Variants in STYXL1 observed in about 807,000 individuals in gnomAD.
STYXL1 encodes the protein serine/threonine/tyrosine-interacting-like protein 1.
In STYXL1, 32 loss-of-function variants were observed where a neutral mutation model predicts 36.4. The ratio of observed to expected loss-of-function variants is 0.88; its 90% CI spans 0.66 to 1.18. The LOEUF is 1.18. Ranked by LOEUF, STYXL1 falls within the 50% of genes most tolerant of loss-of-function variation. The pLI is 0.00. For missense variants in STYXL1, 354 were observed against 394.1 expected (o/e 0.90, Z 0.86); for synonymous variants, 133 against 144.1 (o/e 0.92, Z 0.55).
chr7:76,001,024 T>G (rs1554567024), intron 7 of STYXL1, 22 bp from the exon 8 acceptor site: 5 of 1,592,474 alleles, frequency 3.1e-6, no homozygotes, highest in Non-Finnish European at 4.3e-6. Context: ...AGTGGGGGGT[T>G]GGGTCATGCC....
At chr7:76,018,996 T>A (rs1339849662) in intron 4 of STYXL1, among the ~76,000 whole-genome samples, 1 of 152,230 alleles carries the variant, frequency 6.6e-6, no homozygotes, top group Admixed American at 6.5e-5. Flanking sequence ...TTATCATCTG[T>A]CTCTTTGATT....
Position 76,005,421 on chromosome 7 carries a change from GA to G in STYXL1, c.454-18del. 2 of 1,587,926 alleles carry G rather than the reference GA, an allele frequency of 1.3e-6. No homozygotes were observed. The highest frequency in any genetic ancestry group is 1.1e-5 in the South Asian group (1 of 88,338). Reference sequence around the variant, plus strand: ...ATCCAGTTCCTGAAGTGTGGAGGGAGAAAGGCAGCTATGAGCATATTCCTCA... The same window carrying G: ...ATCCAGTTCCTGAAGTGTGGAGGGAGAAGGCAGCTATGAGCATATTCCTCA... On this transcript the variant is annotated intron_variant, in intron 5 of 8. Coordinates refer to ENST00000359697, the MANE Select transcript of STYXL1 (RefSeq NM_001317785.2).
chr7:76,014,874 G>A (rs559031289), intron 4 of STYXL1, among the ~76,000 whole-genome samples: 1 of 151,924 alleles, frequency 6.6e-6, no homozygotes, highest in East Asian at 1.9e-4. Flanking sequence ...AAAACATATA[G>A]ACCAATGGAA....
intron 1 of STYXL1, among the ~76,000 whole-genome samples, chr7:76,046,645 CTTTTTTT>C (rs147700789): frequency 8.6e-6 from 1 of 116,066 alleles, no homozygotes; most frequent in Non-Finnish European, 1.7e-5. Flanking sequence ...CCACACCCGG[CTTTTTTT>C]TTTTTTTTTT....
At position 75,996,465 on chromosome 7, in the gene STYXL1, A is replaced by T. The variant is rs368928494; in HGVS notation, c.*3T>A. 3.0e-5 allele frequency: 49 copies of T among 1,614,066 alleles called. No homozygotes were observed. Among genetic ancestry groups the T allele is most frequent in the Non-Finnish European group, 4.1e-5 (48 of 1,180,018 alleles). On this transcript the variant is annotated 3_prime_UTR_variant, in exon 9 of 9. Transcript: ENST00000359697. ...AGTACCCTTCGGTGGGCCTCGGAGA[A>T]GATCAGTAGAGCGGATCCATGATGT... is the stretch of plus-strand genomic sequence containing the variant.
intron 5 of STYXL1, among the ~76,000 whole-genome samples, chr7:76,011,244 T>TA (rs1792520007): frequency 6.6e-6 from 1 of 152,126 alleles, no homozygotes; most frequent in Admixed American, 6.6e-5. Flanking sequence ...ACTTCAAACA[T>TA]TAACAACTCA....
At chr7:76,012,786 C>T (rs574268230) in intron 5 of STYXL1, among the ~76,000 whole-genome samples, 3 of 152,348 alleles carry the variant, frequency 2.0e-5, no homozygotes, top group Admixed American at 2.0e-4. Context: ...CCTGCCTTGG[C>T]CTCCCCAAGT....
intron 5 of STYXL1, among the ~76,000 whole-genome samples, chr7:76,008,772 G>A (rs1554571266): frequency 6.6e-6 from 1 of 152,130 alleles, no homozygotes; most frequent in African/African-American, 2.4e-5. Flanking sequence ...TTGGGAAGCT[G>A]AGGCAGGTGG....
Position 76,030,531 on chromosome 7 carries a change from G to A in STYXL1, c.-4-4C>T. 6.3e-7 allele frequency: 1 copy of A among 1,576,772 alleles called. No homozygotes were observed. Among genetic ancestry groups the A allele is most frequent in the Non-Finnish European group, 8.7e-7 (1 of 1,145,816 alleles). ...TAAAAGCAAACCAGGCATCCTGCTGGGAAGAATCAATAACACACAAGGGTA... is the reference window on the plus strand; with the variant it reads ...TAAAAGCAAACCAGGCATCCTGCTGAGAAGAATCAATAACACACAAGGGTA... On this transcript the variant is annotated splice_region_variant and splice_polypyrimidine_tract_variant and intron_variant, in intron 1 of 8. Transcript: ENST00000359697.
rs782085265 is a variant in STYXL1, at chr7:76,030,425, TA to T, written c.98del (p.Leu33TyrfsTer15). The T allele has an allele frequency of 6.2e-7, 1 of 1,607,694 alleles. No homozygotes were observed. The highest frequency in any genetic ancestry group is 1.1e-5 in the South Asian group (1 of 90,990). On this transcript the variant is annotated frameshift_variant, in exon 2 of 9. Coordinates refer to ENST00000359697, the MANE Select transcript of STYXL1 (RefSeq NM_001317785.2). LOFTEE classifies it high-confidence loss of function. ...CGCTTTTTTCCAAGTACTTACCCAA[TA>T]AACAGAGATAGTTGGGGTCTGTTAA... The part of the protein sequence containing the change: ...SRLTDPNYLC[L>X]LDVRSKWEYD...
At chr7:76,007,521 T>C (rs374367189) in intron 5 of STYXL1, among the ~76,000 whole-genome samples, 77 of 152,264 alleles carry the variant, frequency 5.1e-4, no homozygotes, top group Middle Eastern at 3.4e-3. Flanking sequence ...TTGGTATCTA[T>C]TGGGGGCCCT....
At chr7:76,001,613 C>T (rs1046252740) in intron 7 of STYXL1, among the ~76,000 whole-genome samples, 1 of 152,042 alleles carries the variant, frequency 6.6e-6, no homozygotes, top group Non-Finnish European at 1.5e-5. Context: ...CCTGGCTTAA[C>T]CTCCCGAGTA....
chr7:76,018,110 TC>T (rs781898584), intron 4 of STYXL1, among the ~76,000 whole-genome samples: 2 of 151,816 alleles, frequency 1.3e-5, no homozygotes, highest in Non-Finnish European at 2.9e-5. Context: ...CAAGCAATCC[TC>T]CCACCTCAGC....
In STYXL1 at chr7:76,003,886, T is replaced by C. The variant is rs373162076; in HGVS notation, c.600-31A>G. Reference sequence around the variant, plus strand: ...CGGAAGGACCACACAGGTCATCAGGTGGAATGCAGAATGCAGGCATCCCCA... The same window carrying C: ...CGGAAGGACCACACAGGTCATCAGGCGGAATGCAGAATGCAGGCATCCCCA... On this transcript the variant is annotated intron_variant, in intron 6 of 8. Transcript: ENST00000359697. 6.0e-5 allele frequency: 97 copies of C among 1,608,212 alleles called. 1 individual carries two copies. In the South Asian group the frequency reaches 1.0e-3, roughly 17 times the overall value.
chr7:76,005,954 A>G (rs1262351271), intron 5 of STYXL1, among the ~76,000 whole-genome samples: 1 of 151,576 alleles, frequency 6.6e-6, no homozygotes, highest in Non-Finnish European at 1.5e-5. Flanking sequence ...AGGAGGTTTC[A>G]TCATGTTGGC....
At chr7:76,019,274 G>GT (rs1226129706) in intron 4 of STYXL1, among the ~76,000 whole-genome samples, 16 of 149,194 alleles carry the variant, frequency 1.1e-4, no homozygotes, top group Non-Finnish European at 1.8e-4. Flanking sequence ...AACTCTAACT[G>GT]TTTTTTTCTT....
intron 4 of STYXL1, among the ~76,000 whole-genome samples, chr7:76,019,927 C>CA (rs58018497): frequency 0.017 from 1,387 of 82,072 alleles, 16 homozygotes; most frequent in African/African-American, 0.035. Flanking sequence ...GACCCTGACT[C>CA]AAAAAAAAAA....
intron 1 of STYXL1, among the ~76,000 whole-genome samples, chr7:76,046,221 T>G (rs1308114066): frequency 6.6e-6 from 1 of 151,682 alleles, no homozygotes; most frequent in Non-Finnish European, 1.5e-5. Context: ...TCCTCTGGAG[T>G]TGAATGTTCC....
At chr7:76,014,479 G>A (rs1445199363) in intron 4 of STYXL1, among the ~76,000 whole-genome samples, 3 of 151,814 alleles carry the variant, frequency 2.0e-5, no homozygotes, top group Non-Finnish European at 2.9e-5. Flanking sequence ...AGCCTCCCGA[G>A]TAGCTGGGAC....
Sources: gnomAD v4.1 joint callset for allele counts (sites outside exome capture counted in the v4.1 genomes callset) on GRCh38, gnomAD v4.1.1 for gene constraint, MANE v1.5 for transcripts, NCBI Gene and HGNC (gene_info 2026-07-23, HGNC 2026-07-21) for gene names.